CUX2: variants seen among roughly 807,000 people sequenced by gnomAD.
CUX2 encodes the protein cut like homeobox 2, also known as homeobox protein cut-like 2.
A neutral mutation model predicts 144.8 loss-of-function variants in CUX2; 40 were observed. That is an observed-to-expected ratio of 0.28 (90% CI 0.21 to 0.36). CUX2 has a LOEUF of 0.36. Ranked by LOEUF, CUX2 falls within the 10% of genes least tolerant of loss-of-function variation. The pLI is 1.00. For synonymous variants in CUX2, 827 were observed against 875.6 expected (o/e 0.94, Z 0.98); for missense variants, 1,615 against 1,994.0 (o/e 0.81, Z 3.62).
At chr12:111,222,305 A>G (rs1177366621) in intron 3 of CUX2, among the ~76,000 whole-genome samples, 5 of 152,260 alleles carry the variant, frequency 3.3e-5, no homozygotes, top group African/African-American at 1.2e-4. Flanking sequence ...GGAGGGAGAC[A>G]TGAAAACATC....
At chr12:111,169,424 C>T (rs112822535) in intron 1 of CUX2, among the ~76,000 whole-genome samples, 7 of 152,136 alleles carry the variant, frequency 4.6e-5, no homozygotes, top group Admixed American at 2.0e-4. Flanking sequence ...TCACAGCGTC[C>T]GTAGGAACAG....
At chr12:111,275,109 G>A (rs1280684532) in intron 4 of CUX2, among the ~76,000 whole-genome samples, 1 of 152,138 alleles carries the variant, frequency 6.6e-6, no homozygotes, top group South Asian at 2.1e-4. Flanking sequence ...GTTCTCTATG[G>A]GTTTGGATCC....
chr12:111,061,868 C>T lies in CUX2; in HGVS notation c.63+27628C>T, dbSNP rs1566195466. Among the ~76,000 whole-genome samples, 1 of 152,180 alleles carries T rather than the reference C, an allele frequency of 6.6e-6. No individual in the cohort carries two copies. The highest frequency in any genetic ancestry group is 2.4e-5 in the African/African-American group (1 of 41,444). On this transcript the variant is annotated intron_variant, in intron 1 of 21. Coordinates refer to ENST00000261726, the MANE Select transcript of CUX2 (RefSeq NM_015267.4). The surrounding 1 kb of genome is among the most constrained non-coding windows in gnomAD (Gnocchi z 4.2). ...GTGGGGGGCGCCTCGTGGCCAAACA[C>T]CAGGCTTTAGAGTCAGGCACAGTCA...
At chr12:111,156,985 C>CAAAAA (rs1200398908) in intron 1 of CUX2, among the ~76,000 whole-genome samples, 1,253 of 18,906 alleles carry the variant, frequency 0.066, 95 homozygotes, top group East Asian at 0.2. Context: ...AAACTTCTCT[C>CAAAAA]AAAAAAAAAA....
intron 3 of CUX2, among the ~76,000 whole-genome samples, chr12:111,258,569 T>C (rs1883953476): frequency 6.7e-6 from 1 of 149,890 alleles, no homozygotes; most frequent in Middle Eastern, 3.5e-3. Flanking sequence ...AGACAGCCAG[T>C]CATTGCCTTG....
Position 111,341,834 on chromosome 12 carries a change from C to T in CUX2, c.3440C>T (p.Pro1147Leu), listed in dbSNP as rs373425760. ...LISTGSDSESPATRSECPSPC... is the reference protein window; with the variant it reads ...LISTGSDSESLATRSECPSPC... ...AGCACCGGCTCAGACAGTGAGTCCC[C>T]GGCCACCCGCTCAGAGTGCCCCAGC... Residue 1147 changes from proline to leucine, a missense_variant, in exon 21 of 22, where the codon CCG becomes CTG. Transcript: ENST00000261726. The T allele has an allele frequency of 8.7e-6, 14 of 1,612,744 alleles. No individual in the cohort carries two copies. The highest frequency in any genetic ancestry group is 5.3e-5 in the African/African-American group (4 of 74,862).
At chr12:111,069,895 A>T (rs1031800050) in intron 1 of CUX2, among the ~76,000 whole-genome samples, 2 of 152,006 alleles carry the variant, frequency 1.3e-5, no homozygotes, top group Non-Finnish European at 1.5e-5. Context: ...TAAAAAAGTC[A>T]CCATGCCTAG....
At position 111,201,463 on chromosome 12, in the gene CUX2, A is replaced by G. The variant is rs1347725928; in HGVS notation, c.64-12737A>G. ...CCAACAGCCTGACGGTTCCAGCCCC[A>G]CTCATGCCCACAGCTCCCTCCTCCT... On this transcript the variant is annotated intron_variant, in intron 1 of 21. Transcript: ENST00000261726. Among the ~76,000 whole-genome samples, 4 of 151,846 alleles carry G rather than the reference A, an allele frequency of 2.6e-5. No individual in the cohort carries two copies. In the East Asian group the frequency reaches 7.7e-4, roughly 29 times the overall value.
chr12:111,070,417 C>G, intron 1 of CUX2, among the ~76,000 whole-genome samples: 1 of 125,712 alleles, frequency 8.0e-6, no homozygotes, highest in Middle Eastern at 3.8e-3. Flanking sequence ...TCCTTCCTTC[C>G]TTCCTTCCTT....
At chr12:111,199,621 G>A (rs1430632290) in intron 1 of CUX2, among the ~76,000 whole-genome samples, 2 of 152,110 alleles carry the variant, frequency 1.3e-5, no homozygotes, top group African/African-American at 4.8e-5. Context: ...AGGGCAGGCC[G>A]GTCTGTCATG....
chr12:111,129,870 G>T (rs766040507), intron 1 of CUX2, among the ~76,000 whole-genome samples: 12 of 152,078 alleles, frequency 7.9e-5, no homozygotes, highest in Non-Finnish European at 1.3e-4. Flanking sequence ...TCCAGAACTG[G>T]GAAATAACCA....
At chr12:111,174,908 T>G (rs1056875378) in intron 1 of CUX2, among the ~76,000 whole-genome samples, 1 of 152,214 alleles carries the variant, frequency 6.6e-6, no homozygotes, top group African/African-American at 2.4e-5. Context: ...AGCAGTTTCC[T>G]GTGGTTCAAC....
At chr12:111,222,357 T>C (rs889467799) in intron 3 of CUX2, among the ~76,000 whole-genome samples, 2 of 152,234 alleles carry the variant, frequency 1.3e-5, no homozygotes, top group African/African-American at 4.8e-5. Flanking sequence ...GGTGAAACTT[T>C]TCTGAAGCGC....
intron 3 of CUX2, among the ~76,000 whole-genome samples, chr12:111,256,737 T>C (rs558275561): frequency 1.9e-4 from 29 of 152,276 alleles, no homozygotes; most frequent in African/African-American, 6.5e-4. Flanking sequence ...CTTAGCCAAG[T>C]GACTTAACAT....
intron 21 of CUX2, among the ~76,000 whole-genome samples, chr12:111,344,884 A>T (rs1391730754): frequency 6.6e-6 from 1 of 152,050 alleles, no homozygotes; most frequent in Non-Finnish European, 1.5e-5. Flanking sequence ...TCATAATGAG[A>T]TTATTATATT....
chr12:111,169,540 G>A (rs1237548892), intron 1 of CUX2, among the ~76,000 whole-genome samples: 5 of 152,176 alleles, frequency 3.3e-5, no homozygotes, highest in Admixed American at 6.5e-5. Flanking sequence ...CACCCTCAGC[G>A]GGTCGGCCTG....
At chr12:111,215,361 G>A (rs1188928360) in intron 2 of CUX2, among the ~76,000 whole-genome samples, 1 of 152,172 alleles carries the variant, frequency 6.6e-6, no homozygotes, top group Non-Finnish European at 1.5e-5. Context: ...AGCACAGAGG[G>A]GAGAAGCCTC....
intron 1 of CUX2, among the ~76,000 whole-genome samples, chr12:111,108,553 T>G (rs1273233998): frequency 6.6e-6 from 1 of 152,186 alleles, no homozygotes; most frequent in African/African-American, 2.4e-5. Context: ...ATTCAGTTTT[T>G]TATTTATATC....
chr12:111,127,711 A>G lies in CUX2; in HGVS notation c.64-86489A>G, dbSNP rs186406407. ...GTATTAATCTGTTCTCACGCTGCTAAGAGACATACCTGAGACTGGGTAATT... is the reference window on the plus strand; with the variant it reads ...GTATTAATCTGTTCTCACGCTGCTAGGAGACATACCTGAGACTGGGTAATT... On this transcript the variant is annotated intron_variant, in intron 1 of 21. Transcript: ENST00000261726. Among the ~76,000 whole-genome samples, 202 of 152,348 alleles carry G rather than the reference A, an allele frequency of 1.3e-3. 1 individual carries two copies. Among genetic ancestry groups the G allele is most frequent in the Non-Finnish European group, 2.4e-3 (165 of 68,034 alleles).
Sources: allele counts gnomAD v4.1 joint callset (sites outside exome capture counted in the v4.1 genomes callset), GRCh38; gene constraint gnomAD v4.1.1; non-coding constraint Gnocchi (gnomAD v3.1); transcripts MANE v1.5; gene names NCBI Gene and HGNC (gene_info 2026-07-23, HGNC 2026-07-21).